Variants in TMEM132D observed in about 807,000 individuals in gnomAD.
TMEM132D encodes mature OL transmembrane protein.
TMEM132D carries 21 observed loss-of-function variants against 62.3 expected under a neutral mutation model. The observed-to-expected ratio is 0.34, with a 90% CI of 0.24 to 0.49. The LOEUF (loss-of-function observed/expected upper bound fraction) is 0.49. Among genes scored for constraint, TMEM132D ranks in the 20% least tolerant of loss-of-function variants. The pLI, the probability that TMEM132D is intolerant of heterozygous loss-of-function variation, is 0.99. For missense variants in TMEM132D, 1,346 were observed against 1,402.8 expected (o/e 0.96, Z 0.65); for synonymous variants, 621 against 575.6 (o/e 1.08, Z -1.13).
chr12:129,882,852 A>C (rs1874642650), intron 1 of TMEM132D, among the ~76,000 whole-genome samples: 1 of 152,220 alleles, frequency 6.6e-6, no homozygotes, highest in Non-Finnish European at 1.5e-5. Flanking sequence ...ACTCTCAGCA[A>C]ATTAGCAACA....
At chr12:129,304,280 C>T (rs1256984092) in intron 4 of TMEM132D, among the ~76,000 whole-genome samples, 4 of 152,068 alleles carry the variant, frequency 2.6e-5, no homozygotes, top group African/African-American at 4.8e-5. Flanking sequence ...ATGGCCTGAG[C>T]GATCCCATAT....
rs1357741185 is a variant in TMEM132D at position 129,779,347 on chromosome 12, G to A, written c.80-78649C>T. Among the ~76,000 whole-genome samples the A allele has an allele frequency of 6.6e-6, 1 of 152,134 alleles. No individual in the cohort carries two copies. The highest frequency in any genetic ancestry group is 1.5e-5 in the Non-Finnish European group (1 of 68,028). ...TTTGTCGCCCAGGCTGGAGAGCAGT[G>A]GTGTTATCTCTGCTCACTACAACCT... On this transcript the variant is annotated intron_variant, in intron 1 of 8. Coordinates refer to ENST00000422113, the MANE Select transcript of TMEM132D (RefSeq NM_133448.3). This position sits in a 1 kb window ranked among gnomAD's most constrained non-coding sequence, Gnocchi z 4.1.
At chr12:129,696,134 A>G (rs1233180131) in intron 2 of TMEM132D, among the ~76,000 whole-genome samples, 1 of 152,194 alleles carries the variant, frequency 6.6e-6, no homozygotes, top group Non-Finnish European at 1.5e-5. Context: ...AGTCTTCGGC[A>G]TATCTGGCTA....
chr12:129,731,038 A>G (rs1869216740), intron 1 of TMEM132D, among the ~76,000 whole-genome samples: 1 of 151,902 alleles, frequency 6.6e-6, no homozygotes. Context: ...CATCTATCCT[A>G]TTGGTTCTGT....
At chr12:129,171,758 T>C (rs1877737392) in intron 5 of TMEM132D, among the ~76,000 whole-genome samples, 1 of 152,174 alleles carries the variant, frequency 6.6e-6, no homozygotes, top group African/African-American at 2.4e-5. Flanking sequence ...GAGAAGTAGA[T>C]CTCAACAGGT....
intron 2 of TMEM132D, among the ~76,000 whole-genome samples, chr12:129,547,776 G>A (rs1876777275): frequency 6.6e-6 from 1 of 152,186 alleles, no homozygotes; most frequent in South Asian, 2.1e-4. Flanking sequence ...AGTCTTGTCT[G>A]AAAACTGGTA....
intron 2 of TMEM132D, among the ~76,000 whole-genome samples, chr12:129,614,404 A>C (rs1486916131): frequency 6.6e-6 from 1 of 152,216 alleles, no homozygotes. Flanking sequence ...GTGAACTCTT[A>C]GTCATGAATG....
At chr12:129,195,309 T>G (rs1191925905) in intron 5 of TMEM132D, among the ~76,000 whole-genome samples, 2 of 150,736 alleles carry the variant, frequency 1.3e-5, no homozygotes, top group South Asian at 2.1e-4. Flanking sequence ...AGAAGGAGAG[T>G]TGCAGGAAAT....
chr12:129,794,028 A>T (rs1444818041), intron 1 of TMEM132D, among the ~76,000 whole-genome samples: 1 of 151,080 alleles, frequency 6.6e-6, no homozygotes, highest in Non-Finnish European at 1.5e-5. Context: ...TTCCATGGAG[A>T]TCCTTATTCT....
chr12:129,227,696 C>T (rs1025812957), intron 4 of TMEM132D, among the ~76,000 whole-genome samples: 1 of 151,438 alleles, frequency 6.6e-6, no homozygotes, highest in African/African-American at 2.4e-5. Flanking sequence ...TGTGCTGCAC[C>T]CATTAACTCA....
chr12:129,697,883 T>C (rs1176667919), intron 2 of TMEM132D, among the ~76,000 whole-genome samples: 1 of 151,682 alleles, frequency 6.6e-6, no homozygotes, highest in African/African-American at 2.4e-5. Flanking sequence ...TGAAATTCAG[T>C]GCTACACACA....
At chr12:129,339,966 G>A (rs139237425) in intron 3 of TMEM132D, among the ~76,000 whole-genome samples, 7 of 152,138 alleles carry the variant, frequency 4.6e-5, no homozygotes, top group South Asian at 2.1e-4. Context: ...ATCCTTGCCC[G>A]CAGTAGAATA....
intron 1 of TMEM132D, among the ~76,000 whole-genome samples, chr12:129,753,576 T>A (rs1318594639): frequency 6.6e-6 from 1 of 152,110 alleles, no homozygotes; most frequent in African/African-American, 2.4e-5. Flanking sequence ...GCTTTTCTTA[T>A]CCCCTAAAAA....
At chr12:129,698,826 A>C (rs1881296920) in intron 2 of TMEM132D, among the ~76,000 whole-genome samples, 1 of 151,708 alleles carries the variant, frequency 6.6e-6, no homozygotes, top group South Asian at 2.1e-4. Flanking sequence ...AAAGAAGAAA[A>C]GAAAAGCTAG....
In TMEM132D at chr12:129,277,154, T is replaced by C. The variant is rs1881025935; in HGVS notation, c.1299+60480A>G. On this transcript the variant is annotated intron_variant, in intron 4 of 8. Transcript: ENST00000422113. The surrounding 1 kb of genome is among the most constrained non-coding windows in gnomAD (Gnocchi z 4.2). ...AGAACATGGGTGTGGGTGAGAACAG[T>C]GGGTGTGTGGAGAACAAAAACTATG... is the stretch of plus-strand genomic sequence containing the variant. Among the ~76,000 whole-genome samples, 1 of 152,110 alleles carries C rather than the reference T, an allele frequency of 6.6e-6. No individual in the cohort carries two copies. The highest frequency in any genetic ancestry group is 2.1e-4 in the South Asian group (1 of 4,822).
At chr12:129,236,300 A>T (rs986345090) in intron 4 of TMEM132D, among the ~76,000 whole-genome samples, 1 of 151,950 alleles carries the variant, frequency 6.6e-6, no homozygotes, top group African/African-American at 2.4e-5. Context: ...GTGGATCACA[A>T]GGTCAGGAGT....
At chr12:129,233,031 T>C (rs1323682620) in intron 4 of TMEM132D, among the ~76,000 whole-genome samples, 4 of 152,336 alleles carry the variant, frequency 2.6e-5, no homozygotes, top group Admixed American at 6.5e-5. Context: ...AGCCAAACCA[T>C]GTCACCTCCC....
intron 5 of TMEM132D, among the ~76,000 whole-genome samples, chr12:129,156,070 C>T (rs1270459009): frequency 6.6e-6 from 1 of 151,868 alleles, no homozygotes. Context: ...CATAACTAAC[C>T]CACTTCCATG....
Position 129,380,058 on chromosome 12 carries a change from CAT to C in TMEM132D, c.1116-42243_1116-42242del, listed in dbSNP as rs1870893748. ...CCTTTTATTAAGTATAAAAATAAAA[CAT>C]GGTGTCATAGTTGAAATGACATAAC... On this transcript the variant is annotated intron_variant, in intron 3 of 8. Coordinates refer to ENST00000422113, the MANE Select transcript of TMEM132D (RefSeq NM_133448.3). 2.0e-5 allele frequency among the ~76,000 whole-genome samples: 3 copies of C among 152,016 alleles called. 1 individual carries two copies. In the South Asian group the frequency reaches 6.2e-4, roughly 32 times the overall value.
Sources: allele counts gnomAD v4.1 joint callset (sites outside exome capture counted in the v4.1 genomes callset), GRCh38; gene constraint gnomAD v4.1.1; non-coding constraint Gnocchi (gnomAD v3.1); transcripts MANE v1.5; gene names NCBI Gene and HGNC (gene_info 2026-07-23, HGNC 2026-07-21).